EXOC6: variants seen among roughly 807,000 people sequenced by gnomAD.
The protein encoded by EXOC6 is exocyst complex component 6.
A neutral mutation model predicts 112.5 loss-of-function variants in EXOC6; 60 were observed. The observed-to-expected ratio is 0.53, with a 90% CI of 0.43 to 0.66. EXOC6 has a LOEUF of 0.66. Among genes scored for constraint, EXOC6 ranks in the 30% least tolerant of loss-of-function variants. EXOC6 has a pLI of 0.00. For synonymous variants in EXOC6, 295 were observed against 308.0 expected (o/e 0.96, Z 0.44); for missense variants, 855 against 957.1 (o/e 0.89, Z 1.41).
At chr10:92,941,877 C>T (rs1351616581) in intron 13 of EXOC6, among the ~76,000 whole-genome samples, 2 of 152,130 alleles carry the variant, frequency 1.3e-5, no homozygotes, top group African/African-American at 2.4e-5. Context: ...TCCCTTCTTT[C>T]TTTCTTTTTC....
chr10:93,019,927 T>C (rs1277156729), intron 20 of EXOC6, among the ~76,000 whole-genome samples: 1 of 152,212 alleles, frequency 6.6e-6, no homozygotes, highest in Non-Finnish European at 1.5e-5. Context: ...TCCAGTGAAG[T>C]CCGTTTTTAA....
At chr10:92,911,350 A>G (rs1850752334) in intron 6 of EXOC6, among the ~76,000 whole-genome samples, 2 of 152,272 alleles carry the variant, frequency 1.3e-5, no homozygotes, top group South Asian at 4.2e-4. Context: ...CAGTGTTTTC[A>G]ATACTATTTC....
chr10:92,873,732 T>C (rs999766279), intron 1 of EXOC6, among the ~76,000 whole-genome samples: 9 of 152,002 alleles, frequency 5.9e-5, no homozygotes, highest in Admixed American at 2.6e-4. Flanking sequence ...ACAAGAAATA[T>C]TTTTCAGTAT....
intron 18 of EXOC6, among the ~76,000 whole-genome samples, chr10:92,985,909 T>G (rs1228294693): frequency 6.6e-6 from 1 of 152,162 alleles, no homozygotes; most frequent in East Asian, 1.9e-4. Context: ...AATTTTTAAA[T>G]TATGACGTAG....
chr10:92,967,575 C>G, intron 17 of EXOC6, among the ~76,000 whole-genome samples: 1 of 152,036 alleles, frequency 6.6e-6, no homozygotes, highest in Non-Finnish European at 1.5e-5. Context: ...CTAAAGTTAA[C>G]CAAGTACTTT....
At chr10:93,055,723 A>G (rs1590124876) in intron 20 of EXOC6, among the ~76,000 whole-genome samples, 1 of 144,714 alleles carries the variant, frequency 6.9e-6, no homozygotes, top group African/African-American at 2.5e-5. Context: ...ATGGCCCAGA[A>G]TGGTATCTTG....
At chr10:92,859,485 C>T (rs753038823) in intron 1 of EXOC6, among the ~76,000 whole-genome samples, 2 of 152,144 alleles carry the variant, frequency 1.3e-5, no homozygotes, top group Non-Finnish European at 2.9e-5. Flanking sequence ...CAACAGTGTC[C>T]TGGGGCATAA....
At chr10:92,909,714 C>A in intron 6 of EXOC6, 83 bp downstream of exon 6, 1 of 792,198 alleles carries the variant, frequency 1.3e-6, no homozygotes. Flanking sequence ...CTTTAACTTA[C>A]ATAAAATGCT....
In EXOC6 at chr10:92,954,597, A is replaced by T. The variant is rs536382722; in HGVS notation, c.1527-33A>T. The T allele has an allele frequency of 8.5e-6, 9 of 1,056,750 alleles. No individual in the cohort carries two copies. In the South Asian group the frequency reaches 1.1e-4, roughly 13 times the overall value. The allele number at this position is 1,056,750 out of a possible 1,614,324, so 65.5% of individuals were successfully genotyped here. A position where few individuals can be genotyped will look rare whatever the true frequency, so the allele number is the denominator to read the frequency against. On this transcript the variant is annotated intron_variant, in intron 15 of 21. Coordinates refer to ENST00000260762, the MANE Select transcript of EXOC6 (RefSeq NM_019053.6). ...TGTTAACTAACCACATTCATTATTT[A>T]TTAAGTTTAATAATATCAATCTTTG... is the stretch of plus-strand genomic sequence containing the variant.
chr10:92,842,717 TG>T (rs908864735), intron 1 of EXOC6, among the ~76,000 whole-genome samples: 4 of 150,312 alleles, frequency 2.7e-5, no homozygotes, highest in African/African-American at 9.8e-5. Context: ...GTTGGTGGGG[TG>T]GGGGGTGTGT....
intron 13 of EXOC6, 109 bp downstream of exon 13, chr10:92,940,933 A>T: frequency 1.3e-6 from 1 of 755,474 alleles, no homozygotes; most frequent in Non-Finnish European, 2.2e-6. Context: ...TATTGTAGTA[A>T]AGTACACATA....
intron 1 of EXOC6, among the ~76,000 whole-genome samples, chr10:92,877,130 C>T (rs1206839009): frequency 1.3e-5 from 2 of 152,086 alleles, no homozygotes; most frequent in Non-Finnish European, 2.9e-5. Flanking sequence ...TGGTATTGCC[C>T]ACTTCTTTGT....
chr10:92,935,989 G>A (rs1297813757), intron 12 of EXOC6, 104 bp downstream of exon 12: 50 of 685,868 alleles, frequency 7.3e-5, no homozygotes, highest in Non-Finnish European at 1.1e-4. Context: ...CAGTAAATTA[G>A]TAGTAATAAA....
intron 13 of EXOC6, among the ~76,000 whole-genome samples, chr10:92,945,465 A>G (rs867651342): frequency 2.9e-4 from 44 of 152,242 alleles, no homozygotes; most frequent in African/African-American, 1.0e-3. Flanking sequence ...CCATGGAGCT[A>G]TTTATATTCT....
At chr10:93,020,250 T>G (rs1430806411) in intron 20 of EXOC6, among the ~76,000 whole-genome samples, 1 of 152,146 alleles carries the variant, frequency 6.6e-6, no homozygotes, top group Non-Finnish European at 1.5e-5. Flanking sequence ...CACTAAAAAT[T>G]AAAACTGCTT....
intron 14 of EXOC6, among the ~76,000 whole-genome samples, chr10:92,951,785 A>G (rs1363381074): frequency 6.6e-6 from 1 of 152,204 alleles, no homozygotes; most frequent in East Asian, 1.9e-4. Flanking sequence ...AACCTGCTAT[A>G]AGGTATTCTA....
chr10:92,916,305 T>A (rs1851084078), intron 7 of EXOC6, among the ~76,000 whole-genome samples: 1 of 151,736 alleles, frequency 6.6e-6, no homozygotes, highest in Admixed American at 6.6e-5. Context: ...GAGGCAGGAG[T>A]TTAAGACCAG....
intron 8 of EXOC6, among the ~76,000 whole-genome samples, chr10:92,926,915 A>T (rs1851757193): frequency 6.6e-6 from 1 of 152,138 alleles, no homozygotes; most frequent in South Asian, 2.1e-4. Flanking sequence ...TTTATCTTTA[A>T]ATGCATTATA....
intron 1 of EXOC6, among the ~76,000 whole-genome samples, chr10:92,859,732 G>A (rs1043460176): frequency 6.6e-6 from 1 of 152,078 alleles, no homozygotes; most frequent in African/African-American, 2.4e-5. Flanking sequence ...AGGTAGAGGG[G>A]CTGAGTTTTT....
Sources: gnomAD v4.1 joint callset for allele counts (sites outside exome capture counted in the v4.1 genomes callset) on GRCh38, gnomAD v4.1.1 for gene constraint, MANE v1.5 for transcripts, NCBI Gene and HGNC (gene_info 2026-07-23, HGNC 2026-07-21) for gene names.